PHKA2: variants seen among roughly 807,000 people sequenced by gnomAD.
PHKA2 encodes phosphorylase kinase regulatory subunit alpha 2, also known as phosphorylase b kinase regulatory subunit alpha, liver isoform.
PHKA2 carries 31 observed loss-of-function variants against 102.0 expected under a neutral mutation model. The ratio of observed to expected loss-of-function variants is 0.30; its 90% CI spans 0.23 to 0.41. PHKA2 has a LOEUF of 0.41. Among genes scored for constraint, PHKA2 ranks in the 10% least tolerant of loss-of-function variants. The pLI is 1.00. For synonymous variants in PHKA2, 455 were observed against 416.2 expected, an observed-to-expected ratio of 1.09 and a Z score of -1.13; for missense variants, 858 against 1,023.1, an observed-to-expected ratio of 0.84 and a Z score of 2.20.
chrX:18,904,425 T>C (rs940682477), intron 26 of PHKA2, among the ~76,000 whole-genome samples: 3 of 112,797 alleles, frequency 2.7e-5, no homozygotes, highest in Non-Finnish European at 3.7e-5. Flanking sequence ...CTGCTCTTGC[T>C]TGCAATCGCA....
intron 1 of PHKA2, among the ~76,000 whole-genome samples, chrX:18,967,239 C>CT (rs1290808320): frequency 2.7e-5 from 3 of 111,175 alleles, no homozygotes; most frequent in African/African-American, 9.8e-5. Context: ...TTACTAAGCA[C>CT]TGAGCAGGAC....
Position 18,983,908 on chromosome X carries a change from C to T in PHKA2, c.25G>A (p.Val9Ile), listed in dbSNP as rs775647867. The T allele has an allele frequency of 1.7e-6, 2 of 1,211,483 alleles. No individual in the cohort carries two copies. Among genetic ancestry groups the T allele is most frequent in the South Asian group, 1.8e-5 (1 of 57,032 alleles). MRSRSNSG[V>I]RLDGYARLVQ... ...AGCCGCGCGTACCCGTCCAAGCGGA[C>T]CCCGGAATTGCTCCTGCTCCGCATC... Residue 9 changes from valine (V) to isoleucine (I), a missense_variant, in exon 1 of 33, where the codon GTC becomes ATC. Transcript: ENST00000379942.
At chrX:18,926,892 T>C (rs1162653519) in intron 13 of PHKA2, among the ~76,000 whole-genome samples, 3 of 111,831 alleles carry the variant, frequency 2.7e-5, no homozygotes, top group African/African-American at 9.7e-5. Context: ...AGTAATGTCT[T>C]GCCTCCCTCT....
chrX:18,895,244 A>G (rs2047518806), intron 30 of PHKA2, 53 bp from the exon 31 acceptor site: 2 of 1,076,743 alleles, frequency 1.9e-6, no homozygotes, highest in Non-Finnish European at 2.6e-6. Context: ...GGATAAGCAC[A>G]TGCATGCACA....
Position 18,908,781 on chromosome X carries a change from G to A in PHKA2, c.2360+20C>T, listed in dbSNP as rs753124509. On this transcript the variant is annotated intron_variant, in intron 21 of 32. Coordinates refer to ENST00000379942, the MANE Select transcript of PHKA2 (RefSeq NM_000292.3). ...TCATGGTATTTTGTTATAACTGCCC[G>A]AATGGACTCAGACACTTACTTTATG... The A allele has an allele frequency of 1.1e-5, 13 of 1,169,986 alleles. No homozygotes were observed. Among genetic ancestry groups the A allele is most frequent in the Admixed American group, 8.8e-5 (4 of 45,703 alleles).
In PHKA2 at chrX:18,907,036, C is replaced by G; in HGVS notation, c.2579G>C (p.Arg860Pro). ...GACTTACGCAGAGATGATCTTCTCCCGGGGCTCGGGCGGCAGGCCCACGGT... is the reference window on the plus strand; with the variant it reads ...GACTTACGCAGAGATGATCTTCTCCGGGGGCTCGGGCGGCAGGCCCACGGT... The part of the protein sequence containing the change: ...QLTVGLPPEP[R>P]EKIISAPLPP... Residue 860 changes from arginine (R) to proline (P), a missense_variant, in exon 23 of 33, where the codon CGG becomes CCG. Arg to Pro is a moderately radical substitution (Grantham distance 103). Transcript: ENST00000379942. 1 of 1,196,409 alleles carries G rather than the reference C, an allele frequency of 8.4e-7. No homozygotes were observed. Among genetic ancestry groups the G allele is most frequent in the Admixed American group, 2.3e-5 (1 of 43,907 alleles).
chrX:18,971,756 A>T (rs2049022143), intron 1 of PHKA2, among the ~76,000 whole-genome samples: 1 of 112,395 alleles, frequency 8.9e-6, no homozygotes, highest in Admixed American at 9.4e-5. Context: ...ATTATCTCTC[A>T]CAGTTTCTGT....
At chrX:18,896,159 T>TA (rs1788820624) in intron 30 of PHKA2, 1 of 109,507 alleles carries the variant, frequency 9.1e-6, no homozygotes, top group Admixed American at 9.5e-5. Context: ...TGAAATGAAC[T>TA]AAAAAATAGT....
chrX:18,928,386 T>C (rs939031602), intron 13 of PHKA2, among the ~76,000 whole-genome samples: 4 of 112,293 alleles, frequency 3.6e-5, no homozygotes, highest in Non-Finnish European at 7.5e-5. Flanking sequence ...AGAGAAATGC[T>C]TGTCATTTGT....
intron 1 of PHKA2, among the ~76,000 whole-genome samples, chrX:18,957,889 C>T (rs1054431417): frequency 9.2e-6 from 1 of 108,888 alleles, no homozygotes; most frequent in Admixed American, 9.9e-5. Flanking sequence ...GATGGAGTTT[C>T]GCTCTTGTCA....
At chrX:18,977,280 T>C (rs1422463473) in intron 1 of PHKA2, among the ~76,000 whole-genome samples, 2 of 112,783 alleles carry the variant, frequency 1.8e-5, no homozygotes, top group African/African-American at 6.4e-5. Context: ...ATAAAGTTGA[T>C]CTTTCAGTAT....
chrX:18,901,866 G>A (rs1339713682), intron 26 of PHKA2, among the ~76,000 whole-genome samples: 2 of 109,606 alleles, frequency 1.8e-5, no homozygotes, highest in South Asian at 4.0e-4. Context: ...TTTCCGAGAC[G>A]GAGTCTCACT....
At position 18,943,740 on chromosome X, in the gene PHKA2, A is replaced by G; in HGVS notation, c.687T>C (p.His229=). Residue 229 remains histidine, a synonymous_variant, in exon 7 of 33, where the codon CAT becomes CAC. Coordinates refer to ENST00000379942, the MANE Select transcript of PHKA2 (RefSeq NM_000292.3). ...AGTGCTCGACCTCATCTGGCAGAAC[A>G]TGAATCACTGACTTGCGTCCTCCAT... ...GAHGGRKSVI[H]VLPDEVEHCQ... 1 of 1,210,415 alleles carries G rather than the reference A, an allele frequency of 8.3e-7. No individual in the cohort carries two copies. Among genetic ancestry groups the G allele is most frequent in the Non-Finnish European group, 1.1e-6 (1 of 894,127 alleles).
intron 11 of PHKA2, among the ~76,000 whole-genome samples, chrX:18,932,161 T>C (rs1369196684): frequency 8.9e-6 from 1 of 111,972 alleles, no homozygotes; most frequent in Non-Finnish European, 1.9e-5. Flanking sequence ...TTATAAACTG[T>C]GCGCCTAATG....
intron 10 of PHKA2, 140 bp downstream of exon 10, chrX:18,938,487 C>T (rs1382011404): frequency 1.7e-6 from 1 of 587,569 alleles, no homozygotes; most frequent in African/African-American, 2.2e-5. Context: ...TTAATTCACT[C>T]AGTTTTGGGA....
chrX:18,940,200 G>C (rs1167609097), intron 8 of PHKA2, 152 bp from the exon 9 acceptor site: 7 of 476,478 alleles, frequency 1.5e-5, no homozygotes, highest in Non-Finnish European at 2.6e-5. Context: ...ATATATTTAA[G>C]TAATAAGCAA....
intron 1 of PHKA2, among the ~76,000 whole-genome samples, chrX:18,969,066 T>C (rs1489831420): frequency 5.4e-5 from 6 of 110,427 alleles, no homozygotes; most frequent in Non-Finnish European, 1.1e-4. Flanking sequence ...TGAGCCGAGA[T>C]TGTGCCATTG....
At position 18,938,739 on chromosome X, in the gene PHKA2, C is replaced by T. The variant is rs2048437347; in HGVS notation, c.929G>A (p.Arg310Gln). The T allele has an allele frequency of 3.3e-6, 4 of 1,204,566 alleles. No individual in the cohort carries two copies. The highest frequency in any genetic ancestry group is 5.9e-5 in the East Asian group (2 of 33,812). Residue 310 changes from arginine (R) to glutamine (Q), a missense_variant, in exon 10 of 33, where the codon CGA (arginine) becomes CAA (glutamine). By Grantham distance (43) the Arg-to-Gln change is conservative. Transcript: ENST00000379942. ...GYKTPREDPN[R>Q]LHYDPAELKL... ...GAGTTCAGCAGGGTCATAATGCAGT[C>T]GATTAGGGTCCTAGAATCAAATAAG...
intron 1 of PHKA2, among the ~76,000 whole-genome samples, chrX:18,978,606 G>A (rs745380214): frequency 4.1e-4 from 45 of 110,473 alleles, no homozygotes; most frequent in Non-Finnish European, 7.4e-4. Context: ...CCAGCTACTC[G>A]GGAGGCTGAG....
Sources: allele counts gnomAD v4.1 joint callset (sites outside exome capture counted in the v4.1 genomes callset), GRCh38; gene constraint gnomAD v4.1.1; transcripts MANE v1.5; gene names NCBI Gene and HGNC (gene_info 2026-07-23, HGNC 2026-07-21).